PRELID2: variants seen among roughly 807,000 people sequenced by gnomAD.
PRELID2 encodes the protein PRELI domain-containing protein 2.
PRELID2 carries 25 observed loss-of-function variants against 28.4 expected under a neutral mutation model. The ratio of observed to expected loss-of-function variants is 0.88; its 90% CI spans 0.64 to 1.23. PRELID2 has a LOEUF of 1.23. Among genes scored for constraint, PRELID2 ranks in the 50% most tolerant of loss-of-function variants. The pLI is 0.00. For synonymous variants in PRELID2, 76 were observed against 71.6 expected (o/e 1.06, Z -0.31); for missense variants, 201 against 214.4 (o/e 0.94, Z 0.39).
At chr5:145,741,335 T>A (rs1355511915) in intron 1 of PRELID2, among the ~76,000 whole-genome samples, 1 of 31,786 alleles carries the variant, frequency 3.1e-5, no homozygotes, top group Non-Finnish European at 6.9e-5. Flanking sequence ...TATTTATATA[T>A]AAATAAAATT....
At chr5:145,697,054 T>TATATATACATATATATATATATATAC (rs1755289426) in intron 1 of PRELID2, among the ~76,000 whole-genome samples, 1 of 118,108 alleles carries the variant, frequency 8.5e-6, no homozygotes, top group African/African-American at 4.1e-5. Context: ...TATATATATA[T>TATATATACATATATATATATATATAC]ATATATATAT....
At chr5:145,403,836 A>G in the PRELID2 span, among the ~76,000 whole-genome samples, 19 of 152,286 alleles carry the variant, frequency 1.2e-4, no homozygotes, top group African/African-American at 4.6e-4. Context: ...ATCTATATGT[A>G]ATATAGTACT....
the PRELID2 span, among the ~76,000 whole-genome samples, chr5:145,359,189 G>A: frequency 3.9e-5 from 6 of 152,204 alleles, no homozygotes; most frequent in East Asian, 1.2e-3. Flanking sequence ...TTGACAAATG[G>A]GCTTTATTGC....
the PRELID2 span, among the ~76,000 whole-genome samples, chr5:145,463,225 T>C: frequency 6.6e-6 from 1 of 152,092 alleles, no homozygotes; most frequent in East Asian, 1.9e-4. Flanking sequence ...AGAAAATCCT[T>C]CATTTTGGTC....
At chr5:145,789,725 T>C (rs530460192) in intron 5 of PRELID2, among the ~76,000 whole-genome samples, 6 of 152,132 alleles carry the variant, frequency 3.9e-5, no homozygotes, top group Admixed American at 3.3e-4. Flanking sequence ...TGGAAGAAAA[T>C]ATCTACAAAT....
At chr5:145,650,127 C>G (rs1050468270) in intron 1 of PRELID2, among the ~76,000 whole-genome samples, 2 of 152,166 alleles carry the variant, frequency 1.3e-5, no homozygotes, top group African/African-American at 4.8e-5. Flanking sequence ...TTCACCGTCA[C>G]TCCTAAGATC....
chr5:145,739,913 T>C (rs1408723696), intron 1 of PRELID2, among the ~76,000 whole-genome samples: 5 of 150,482 alleles, frequency 3.3e-5, no homozygotes, highest in African/African-American at 1.2e-4. Context: ...TAAAGAAAGT[T>C]TTTAAAAAAG....
chr5:145,585,683 T>C (rs1338944147), intron 1 of PRELID2, among the ~76,000 whole-genome samples: 1 of 152,138 alleles, frequency 6.6e-6, no homozygotes, highest in African/African-American at 2.4e-5. Flanking sequence ...TACTATTAAC[T>C]AAAAACAGGT....
At chr5:145,291,434 C>CTA in the PRELID2 span, among the ~76,000 whole-genome samples, 1 of 149,580 alleles carries the variant, frequency 6.7e-6, no homozygotes, top group Non-Finnish European at 1.5e-5. Context: ...AGTGATGTAT[C>CTA]TATGAAGGTT....
At chr5:145,604,004 A>G (rs1164480460) in intron 1 of PRELID2, among the ~76,000 whole-genome samples, 1 of 152,124 alleles carries the variant, frequency 6.6e-6, no homozygotes, top group East Asian at 1.9e-4. Flanking sequence ...AATACTAATA[A>G]GACAGGTTTC....
At chr5:145,817,220 A>AAAATAT (rs1554099385) in intron 4 of PRELID2, among the ~76,000 whole-genome samples, 10 of 66,516 alleles carry the variant, frequency 1.5e-4, no homozygotes, top group Admixed American at 7.7e-4. Context: ...AATAAAAAAA[A>AAAATAT]ATATATATAT....
the PRELID2 span, among the ~76,000 whole-genome samples, chr5:145,413,731 A>G: frequency 6.6e-6 from 1 of 151,544 alleles, no homozygotes; most frequent in East Asian, 1.9e-4. Context: ...GGTAATCACT[A>G]TTCTACTCTC....
the PRELID2 span, among the ~76,000 whole-genome samples, chr5:145,349,715 G>A: frequency 6.6e-6 from 1 of 151,760 alleles, no homozygotes; most frequent in Admixed American, 6.6e-5. Context: ...AAAATCCATG[G>A]GACCTATAGC....
chr5:145,529,516 G>A (rs1002210547), intron 1 of PRELID2, among the ~76,000 whole-genome samples: 7 of 152,084 alleles, frequency 4.6e-5, no homozygotes, highest in South Asian at 2.1e-4. Flanking sequence ...CTTGAGAATC[G>A]TGATTGTGTG....
the PRELID2 span, among the ~76,000 whole-genome samples, chr5:145,281,296 T>C: frequency 1.3e-5 from 2 of 152,184 alleles, no homozygotes; most frequent in Non-Finnish European, 2.9e-5. Flanking sequence ...GACCTGGAAG[T>C]GAAGCCCAGT....
chr5:145,770,303 G>T (rs1253693005), intron 5 of PRELID2, among the ~76,000 whole-genome samples: 1 of 151,928 alleles, frequency 6.6e-6, no homozygotes, highest in African/African-American at 2.4e-5. Flanking sequence ...ATTGCTTAAG[G>T]CCAGGAGTTC....
the PRELID2 span, among the ~76,000 whole-genome samples, chr5:145,455,926 A>T: frequency 1.3e-5 from 2 of 152,242 alleles, no homozygotes; most frequent in African/African-American, 4.8e-5. Context: ...AAATGCAGAA[A>T]TTACTCGCCT....
chr5:145,412,905 G>A, the PRELID2 span, among the ~76,000 whole-genome samples: 2 of 152,144 alleles, frequency 1.3e-5, no homozygotes, highest in African/African-American at 4.8e-5. Flanking sequence ...AAAGGGGCAA[G>A]CCACTTATCC....
intron 1 of PRELID2, among the ~76,000 whole-genome samples, chr5:145,667,883 T>C (rs1156642100): frequency 6.6e-6 from 1 of 152,096 alleles, no homozygotes; most frequent in Non-Finnish European, 1.5e-5. Flanking sequence ...TGTGTGTATG[T>C]GGCTATAGCA....
Sources: allele counts gnomAD v4.1 joint callset (sites outside exome capture counted in the v4.1 genomes callset), GRCh38; gene constraint gnomAD v4.1.1; transcripts MANE v1.5; gene names NCBI Gene and HGNC (gene_info 2026-07-23, HGNC 2026-07-21).